FOXN4: variants seen among roughly 807,000 people sequenced by gnomAD.
FOXN4 encodes the protein forkhead box N4, also known as forkhead box protein N4.
Under a neutral mutation model 45.0 loss-of-function variants are expected in FOXN4, and 12 were observed. That is an observed-to-expected ratio of 0.27 (90% confidence interval 0.17 to 0.43). The LOEUF is 0.43. Among genes scored for constraint, FOXN4 ranks in the 20% least tolerant of loss-of-function variants. The pLI, the probability that FOXN4 is intolerant of heterozygous loss-of-function variation, is 1.00. For synonymous variants in FOXN4, 297 were observed against 295.0 expected (o/e 1.01, Z -0.07); for missense variants, 560 against 694.9 (o/e 0.81, Z 2.18).
At chr12:109,303,185 C>T (rs1353425607) in intron 2 of FOXN4, among the ~76,000 whole-genome samples, 1 of 152,146 alleles carries the variant, frequency 6.6e-6, no homozygotes, top group Non-Finnish European at 1.5e-5. Flanking sequence ...AGTCGGACCA[C>T]AGAGAGGCTA....
At chr12:109,286,961 C>G in intron 6 of FOXN4, 1 of 1,233,032 alleles carries the variant, frequency 8.1e-7, no homozygotes, top group Non-Finnish European at 1.1e-6. Flanking sequence ...ACAATTGGTA[C>G]TGACTTGAGA....
chr12:109,281,309 G>T (rs879632552), intron 9 of FOXN4, 98 bp downstream of exon 9: 2 of 1,421,080 alleles, frequency 1.4e-6, no homozygotes, highest in Non-Finnish European at 9.6e-7. Flanking sequence ...AGACTGTGGG[G>T]CAAATGCAGG....
At chr12:109,300,186 A>C (rs2047857102) in intron 2 of FOXN4, among the ~76,000 whole-genome samples, 1 of 152,314 alleles carries the variant, frequency 6.6e-6, no homozygotes, top group South Asian at 2.1e-4. Flanking sequence ...GACAGCCAAC[A>C]GCAGGGTGTC....
At chr12:109,297,065 T>G (rs2047824434) in intron 2 of FOXN4, among the ~76,000 whole-genome samples, 2 of 152,186 alleles carry the variant, frequency 1.3e-5, no homozygotes, top group East Asian at 3.9e-4. Context: ...GAGATCCACC[T>G]CCAGAGACTG....
chr12:109,278,229 A>C lies in FOXN4; in HGVS notation c.*1442T>G, dbSNP rs747527608. 2 of 152,258 alleles carry C rather than the reference A, an allele frequency of 1.3e-5. No homozygotes were observed. The highest frequency in any genetic ancestry group is 2.9e-5 in the Non-Finnish European group (2 of 68,062). 9.4% of individuals were successfully genotyped at this position (152,258 alleles called of 1,614,324 possible). ...GCCCTTCAAGGCGGGGCTTAATGCC[A>C]AAACTCCCAGGCAGCTGGCTGAGCT... is the stretch of plus-strand genomic sequence containing the variant. On this transcript the variant is annotated 3_prime_UTR_variant, in exon 10 of 10. Coordinates refer to ENST00000299162, the MANE Select transcript of FOXN4 (RefSeq NM_213596.3).
Position 109,281,546 on chromosome 12 carries a change from G to A in FOXN4, c.1155C>T (p.His385=), listed in dbSNP as rs562273482. 32 of 1,612,612 alleles carry A rather than the reference G, an allele frequency of 2.0e-5. No individual in the cohort carries two copies. Among genetic ancestry groups the A allele is most frequent in the African/African-American group, 1.1e-4 (8 of 75,010 alleles). The change falls in exon 9 of 10, where the codon CAC becomes CAT. Residue 385 remains histidine (H), a synonymous_variant. Coordinates refer to ENST00000299162, the MANE Select transcript of FOXN4 (RefSeq NM_213596.3). ...GGCTGGGGCTGAGGTCCGGCAGGGC[G>A]TGCAGTGGCGGGGTCTGGGCTGGTG... ...SPAPAQTPPL[H]ALPDLSPSPL... is the part of the protein sequence containing the mutation.
At chr12:109,297,371 G>C (rs1367926457) in intron 2 of FOXN4, among the ~76,000 whole-genome samples, 4 of 152,226 alleles carry the variant, frequency 2.6e-5, no homozygotes, top group East Asian at 1.9e-4. Flanking sequence ...ACAGGGGCTT[G>C]CTCTTGTCGC....
Position 109,287,270 on chromosome 12 carries a change from ACTCCCCAAAAC to A in FOXN4, c.596+116_596+126del, listed in dbSNP as rs2047721727. On this transcript the variant is annotated intron_variant, in intron 6 of 9. Coordinates refer to ENST00000299162, the MANE Select transcript of FOXN4 (RefSeq NM_213596.3). This position sits in a 1 kb window ranked among gnomAD's most constrained non-coding sequence, Gnocchi z 4.1. ...AACAAGTCCCACCTGGGGGTTCCCC[ACTCCCCAAAAC>A]CTCCCCCTTGGAAGTCTGGGCTGCC... The A allele has an allele frequency of 6.9e-6, 9 of 1,302,702 alleles. No homozygotes were observed. The highest frequency in any genetic ancestry group is 2.1e-6 in the Non-Finnish European group (2 of 955,590). The allele number at this position is 1,302,702 out of a possible 1,614,324, so 80.7% of individuals were successfully genotyped here. A position where few individuals can be genotyped will look rare whatever the true frequency, so the allele number is the denominator to read the frequency against.
At chr12:109,292,915 G>A (rs896919819) in intron 2 of FOXN4, among the ~76,000 whole-genome samples, 1 of 152,162 alleles carries the variant, frequency 6.6e-6, no homozygotes, top group African/African-American at 2.4e-5. Flanking sequence ...TGAGCATCTA[G>A]TTGGGCTGAG....
Position 109,287,588 on chromosome 12 carries a change from G to A in FOXN4, c.469-64C>T, listed in dbSNP as rs758522515. ...AGAGAGAAGGTGAGAAATAACATAC[G>A]TCACTCACAGTAACACTGTCCCCAC... On this transcript the variant is annotated intron_variant, in intron 5 of 9. Coordinates refer to ENST00000299162, the MANE Select transcript of FOXN4 (RefSeq NM_213596.3). This position sits in a 1 kb window ranked among gnomAD's most constrained non-coding sequence, Gnocchi z 4.1. The A allele has an allele frequency of 2.7e-5, 40 of 1,470,494 alleles. No homozygotes were observed. The highest frequency in any genetic ancestry group is 1.4e-4 in the South Asian group (10 of 70,092). The allele number at this position is 1,470,494 out of a possible 1,614,324, so 91.1% of individuals were successfully genotyped here.
chr12:109,306,138 C>T (rs530016961), intron 2 of FOXN4, among the ~76,000 whole-genome samples: 34 of 152,292 alleles, frequency 2.2e-4, no homozygotes, highest in African/African-American at 8.2e-4. Flanking sequence ...CACTTCCCAC[C>T]GTGAGAGCCC....
At chr12:109,295,408 T>C (rs1472285274) in intron 2 of FOXN4, among the ~76,000 whole-genome samples, 1 of 152,188 alleles carries the variant, frequency 6.6e-6, no homozygotes. Flanking sequence ...AATTCAGCCC[T>C]GCTAACCCTG....
rs1333425671 is a variant in FOXN4, at chr12:109,279,485, G to C, written c.*186C>G. ...CCCAGAAACTGCTCCGGAAGCTCCA[G>C]GGGGAGGCACGAGAAGGAGAGGGGC... On this transcript the variant is annotated 3_prime_UTR_variant, in exon 10 of 10. Transcript: ENST00000299162. 4.7e-6 allele frequency: 4 copies of C among 847,142 alleles called. No individual in the cohort carries two copies. The highest frequency in any genetic ancestry group is 7.1e-6 in the Non-Finnish European group (4 of 561,680). The allele number at this position is 847,142 out of a possible 1,614,324, so 52.5% of individuals were successfully genotyped here. A position where few individuals can be genotyped will look rare whatever the true frequency, so the allele number is the denominator to read the frequency against.
chr12:109,300,596 A>G (rs570361934), intron 2 of FOXN4, among the ~76,000 whole-genome samples: 3 of 152,298 alleles, frequency 2.0e-5, no homozygotes, highest in South Asian at 2.1e-4. Context: ...GCAAACCCTC[A>G]TCATATCATT....
At chr12:109,284,508 G>GCT (rs1448818244) in intron 8 of FOXN4, among the ~76,000 whole-genome samples, 1 of 152,044 alleles carries the variant, frequency 6.6e-6, no homozygotes, top group East Asian at 1.9e-4. Context: ...TCTTGGCCAT[G>GCT]CTCTGGTGGA....
chr12:109,295,318 C>T (rs539168730), intron 2 of FOXN4, among the ~76,000 whole-genome samples: 50 of 152,314 alleles, frequency 3.3e-4, no homozygotes, highest in African/African-American at 1.2e-3. Context: ...ACATTCTAGC[C>T]CCACTGCCCT....
Position 109,291,198 on chromosome 12 carries a change from G to A in FOXN4, c.87-912C>T, listed in dbSNP as rs1207377129. On this transcript the variant is annotated intron_variant, in intron 2 of 9. Transcript: ENST00000299162. The surrounding 1 kb of genome is among the most constrained non-coding windows in gnomAD (Gnocchi z 6.6). ...TAGCTGCCCATGGAGGTGCCAGACAGGTCGGTGATTTGGGATAGCCATGTC... is the reference window on the plus strand; with the variant it reads ...TAGCTGCCCATGGAGGTGCCAGACAAGTCGGTGATTTGGGATAGCCATGTC... Among the ~76,000 whole-genome samples the A allele has an allele frequency of 2.6e-5, 4 of 152,084 alleles. No individual in the cohort carries two copies. The highest frequency in any genetic ancestry group is 5.9e-5 in the Non-Finnish European group (4 of 68,016).
rs2047740926 is a variant in FOXN4, at chr12:109,288,912, T to C, written c.233-732A>G. 6.6e-6 allele frequency among the ~76,000 whole-genome samples: 1 copy of C among 152,224 alleles called. No homozygotes were observed. Among genetic ancestry groups the C allele is most frequent in the Non-Finnish European group, 1.5e-5 (1 of 68,040 alleles). ...ACTGTCCCTAGATCTGTTTGTCTTG[T>C]CCTTCTCTCTCTGACCAGATCATCA... is the stretch of plus-strand genomic sequence containing the variant. On this transcript the variant is annotated intron_variant, in intron 3 of 9. Transcript: ENST00000299162. This position sits in a 1 kb window ranked among gnomAD's most constrained non-coding sequence, Gnocchi z 4.3.
intron 3 of FOXN4, among the ~76,000 whole-genome samples, chr12:109,289,392 T>C (rs774231795): frequency 6.6e-6 from 1 of 152,248 alleles, no homozygotes; most frequent in African/African-American, 2.4e-5. Flanking sequence ...AAATATTTAC[T>C]ACCTGGCCCT....
Sources: gnomAD v4.1 joint callset for allele counts (sites outside exome capture counted in the v4.1 genomes callset) on GRCh38, gnomAD v4.1.1 for gene constraint, Gnocchi (gnomAD v3.1) non-coding constraint, MANE v1.5 for transcripts, NCBI Gene and HGNC (gene_info 2026-07-23, HGNC 2026-07-21) for gene names.